The following EIF2AK3 variants were observed in gnomAD, a reference collection of about 807,000 sequenced individuals.
The protein encoded by EIF2AK3 is eukaryotic translation initiation factor 2 alpha kinase 3, also known as eukaryotic translation initiation factor 2-alpha kinase 3.
EIF2AK3 carries 50 observed loss-of-function variants against 113.5 expected under a neutral mutation model. That is an observed-to-expected ratio of 0.44 (90% CI 0.35 to 0.56). EIF2AK3 has a LOEUF of 0.56. EIF2AK3 is among the 20% of genes least tolerant of loss of function. EIF2AK3 has a pLI of 0.00. For synonymous variants in EIF2AK3, 448 were observed against 495.4 expected, an observed-to-expected ratio of 0.90 and a Z score of 1.27; for missense variants, 1,185 against 1,378.0, an observed-to-expected ratio of 0.86 and a Z score of 2.22.
chr2:88,627,155 C>A lies in EIF2AK3; in HGVS notation c.120G>T (p.Thr40=), dbSNP rs1369482306. 7.0e-7 allele frequency: 1 copy of A among 1,435,076 alleles called. No individual in the cohort carries two copies. Among genetic ancestry groups the A allele is most frequent in the Admixed American group, 2.9e-5 (1 of 34,558 alleles). 88.9% of individuals were successfully genotyped at this position (1,435,076 alleles called of 1,614,324 possible). A position where few individuals can be genotyped will look rare whatever the true frequency, so the allele number is the denominator to read the frequency against. Reference sequence around the variant, plus strand: ...CCCCGAGGCCGAACGCCGCCTCCGCCGTCGGCGCTGGGAGGCCACGGGCGC... The same window carrying A: ...CCCCGAGGCCGAACGCCGCCTCCGCAGTCGGCGCTGGGAGGCCACGGGCGC... ...AGRARGLPAP[T]AEAAFGLGAA... The change falls in exon 1 of 17, where the codon ACG becomes ACT. Residue 40 remains threonine (T), a synonymous_variant. Transcript: ENST00000303236.
chr2:88,578,782 A>G (rs988053135), intron 11 of EIF2AK3, among the ~76,000 whole-genome samples: 2 of 152,186 alleles, frequency 1.3e-5, no homozygotes, highest in Admixed American at 6.5e-5. Flanking sequence ...TGAGCCAGAA[A>G]TCACACTTCT....
chr2:88,611,717 G>A (rs1049209880), intron 2 of EIF2AK3, among the ~76,000 whole-genome samples: 4 of 152,150 alleles, frequency 2.6e-5, no homozygotes, highest in South Asian at 2.1e-4. Flanking sequence ...TGCAACCTCC[G>A]CCTCCCAGGT....
chr2:88,576,459 T>C (rs1674459510), intron 12 of EIF2AK3, 95 bp downstream of exon 12: 5 of 1,551,912 alleles, frequency 3.2e-6, no homozygotes, highest in Non-Finnish European at 4.4e-6. Context: ...CTGTTCCTTT[T>C]CTTTAAAAAA....
At chr2:88,606,442 G>C (rs1675280952) in intron 2 of EIF2AK3, among the ~76,000 whole-genome samples, 3 of 152,248 alleles carry the variant, frequency 2.0e-5, no homozygotes, top group South Asian at 2.1e-4. Context: ...TTAAATTAAA[G>C]CACTGTTTCA....
At chr2:88,584,513 G>A (rs577192177) in intron 9 of EIF2AK3, among the ~76,000 whole-genome samples, 77 of 123,682 alleles carry the variant, frequency 6.2e-4, no homozygotes, top group South Asian at 1.0e-3. Flanking sequence ...TGAGATGAGT[G>A]AGACCCTGTC....
chr2:88,625,041 ACC>A (rs1338176146), intron 1 of EIF2AK3: 4 of 152,168 alleles, frequency 2.6e-5, no homozygotes, highest in Admixed American at 2.0e-4. Flanking sequence ...AGGATACTCT[ACC>A]CAACATTTCT....
chr2:88,575,004 A>C lies in EIF2AK3; in HGVS notation c.2479T>G (p.Leu827Val). 1 of 1,614,204 alleles carries C rather than the reference A, an allele frequency of 6.2e-7. No homozygotes were observed. Among genetic ancestry groups the C allele is most frequent in the Non-Finnish European group, 8.5e-7 (1 of 1,180,026 alleles). Residue 827 changes from leucine to valine, a missense_variant, in exon 13 of 17, where the codon TTG (leucine) becomes GTG (valine). Leu to Val is a conservative substitution (Grantham distance 32). This residue lies in a region of EIF2AK3 where 877 missense variants were observed against 1,024.2 expected (regional missense o/e 0.86). Coordinates refer to ENST00000303236, the MANE Select transcript of EIF2AK3 (RefSeq NM_004836.7). ...SSKEEPKTNR[L>V]HIGNHCANKL... ...TTAGCACAATGGTTGCCAATATGCA[A>C]TCGATTAGTTTTCGGCTCTTCTTTA...
At chr2:88,558,380 T>A (rs975830175) in intron 16 of EIF2AK3, among the ~76,000 whole-genome samples, 1 of 152,098 alleles carries the variant, frequency 6.6e-6, no homozygotes, top group Non-Finnish European at 1.5e-5. Flanking sequence ...TTAGAAAAAA[T>A]TATGGCAGAG....
At chr2:88,625,635 C>T (rs1262400236) in intron 1 of EIF2AK3, among the ~76,000 whole-genome samples, 6 of 152,188 alleles carry the variant, frequency 3.9e-5, no homozygotes, top group Admixed American at 2.6e-4. Context: ...AACTACCTGC[C>T]TAACCTCTGC....
At position 88,627,118 on chromosome 2, in the gene EIF2AK3, G is replaced by A; in HGVS notation, c.157C>T (p.Pro53Ser). The part of the protein sequence containing the change: ...AAFGLGAAAA[P>S]TSATRVPAAG... The stretch of plus-strand genomic sequence containing the variant: ...GCCGGTACTCGCGTCGCTGAGGTGG[G>A]AGCAGCGGCCGCCCCGAGGCCGAAC... The change falls in exon 1 of 17, where the codon CCC becomes TCC. Residue 53 changes from proline (P) to serine (S), a missense_variant. By Grantham distance (74) the Pro-to-Ser change is moderately conservative. Around this residue, in one of 3 missense-constraint regions of EIF2AK3, gnomAD observed 189 missense variants for 175.2 expected, o/e 1.08. Transcript: ENST00000303236. 6.6e-7 allele frequency: 1 copy of A among 1,506,308 alleles called. No homozygotes were observed. The highest frequency in any genetic ancestry group is 8.8e-7 in the Non-Finnish European group (1 of 1,134,550). The allele number at this position is 1,506,308 out of a possible 1,614,324, so 93.3% of individuals were successfully genotyped here.
chr2:88,563,368 T>C (rs1674016118), intron 14 of EIF2AK3, among the ~76,000 whole-genome samples: 1 of 152,144 alleles, frequency 6.6e-6, no homozygotes, highest in Non-Finnish European at 1.5e-5. Context: ...ACCACATCAG[T>C]GGCATCACCC....
chr2:88,597,292 T>G (rs184659145), intron 2 of EIF2AK3, among the ~76,000 whole-genome samples: 164 of 152,324 alleles, frequency 1.1e-3, no homozygotes, highest in Admixed American at 4.8e-3. Context: ...GTTCAAATCC[T>G]GCCTTAACTA....
At chr2:88,599,683 G>A (rs1322726045) in intron 2 of EIF2AK3, among the ~76,000 whole-genome samples, 1 of 152,054 alleles carries the variant, frequency 6.6e-6, no homozygotes, top group Non-Finnish European at 1.5e-5. Context: ...ACTAAAAGAG[G>A]AAGAGGAGTT....
chr2:88,603,519 CTAATT>C (rs1272761216), intron 2 of EIF2AK3, among the ~76,000 whole-genome samples: 1 of 152,148 alleles, frequency 6.6e-6, no homozygotes. Flanking sequence ...TCAGTTATCT[CTAATT>C]ATGGAAGTAT....
intron 2 of EIF2AK3, among the ~76,000 whole-genome samples, chr2:88,612,598 A>T (rs866861142): frequency 3.5e-4 from 53 of 152,324 alleles, no homozygotes; most frequent in Middle Eastern, 3.4e-3. Context: ...CAAATGTGGA[A>T]ATTTGGCAGT....
At chr2:88,561,984 T>C (rs535291786) in intron 15 of EIF2AK3, among the ~76,000 whole-genome samples, 4 of 152,340 alleles carry the variant, frequency 2.6e-5, no homozygotes, top group East Asian at 1.9e-4. Context: ...GTGGCCCCCA[T>C]TACCTTGTGG....
chr2:88,618,070 C>A (rs1338438884), intron 1 of EIF2AK3, among the ~76,000 whole-genome samples: 1 of 152,156 alleles, frequency 6.6e-6, no homozygotes, highest in Admixed American at 6.5e-5. Flanking sequence ...GTAGTCCCAG[C>A]TACTCAGAGG....
At chr2:88,565,552 G>A (rs1674094281) in intron 14 of EIF2AK3, among the ~76,000 whole-genome samples, 1 of 151,612 alleles carries the variant, frequency 6.6e-6, no homozygotes, top group Non-Finnish European at 1.5e-5. Flanking sequence ...ATGTTGCCCA[G>A]GCCGGTCTCG....
Position 88,591,223 on chromosome 2 carries a change from CA to C in EIF2AK3, c.768-172del, listed in dbSNP as rs568247780. On this transcript the variant is annotated intron_variant, in intron 4 of 16. Coordinates refer to ENST00000303236, the MANE Select transcript of EIF2AK3 (RefSeq NM_004836.7). ...CTGATTTATGCCACAAGAGGGCCCA[CA>C]AGAACTTTGTCCTGACCCTTCAGAC... 7.9e-4 allele frequency among the ~76,000 whole-genome samples: 121 copies of C among 152,280 alleles called. 1 individual carries two copies. The South Asian group carries it at 0.014, about 17-fold the overall frequency.
Sources: allele counts gnomAD v4.1 joint callset (sites outside exome capture counted in the v4.1 genomes callset), GRCh38; gene constraint gnomAD v4.1.1; regional missense constraint gnomAD v4.1.1; transcripts MANE v1.5; gene names NCBI Gene and HGNC (gene_info 2026-07-23, HGNC 2026-07-21).